The following NHSL1 variants were observed in gnomAD, a reference collection of about 807,000 sequenced individuals.
The protein encoded by NHSL1 is NHS-like protein 1.
Under a neutral mutation model 95.0 loss-of-function variants are expected in NHSL1, and 48 were observed. That is an observed-to-expected ratio of 0.51 (90% CI 0.40 to 0.64). NHSL1 has a LOEUF of 0.64. Ranked by LOEUF, NHSL1 falls within the 30% of genes least tolerant of loss-of-function variation. The pLI, the probability that NHSL1 is intolerant of heterozygous loss-of-function variation, is 0.00. For missense variants in NHSL1, 1,971 were observed against 2,077.7 expected, an observed-to-expected ratio of 0.95 and a Z score of 1.00; for synonymous variants, 783 against 833.9, an observed-to-expected ratio of 0.94 and a Z score of 1.05.
intron 1 of NHSL1, among the ~76,000 whole-genome samples, chr6:138,523,466 C>G (rs1222842663): frequency 6.6e-6 from 1 of 151,740 alleles, no homozygotes; most frequent in Non-Finnish European, 1.5e-5. Flanking sequence ...CGAGCCACCA[C>G]CCAGCTAACT....
chr6:138,685,311 G>A (rs1785571925), intron 1 of NHSL1, among the ~76,000 whole-genome samples: 1 of 152,080 alleles, frequency 6.6e-6, no homozygotes, highest in Non-Finnish European at 1.5e-5. Flanking sequence ...TTGATTTAAA[G>A]GATATACTCT....
At chr6:138,578,141 A>G (rs1783998907) in intron 1 of NHSL1, among the ~76,000 whole-genome samples, 1 of 152,250 alleles carries the variant, frequency 6.6e-6, no homozygotes. Context: ...CAACGGAATT[A>G]ATAGTGTTGT....
chr6:138,553,608 G>A (rs1365024142), intron 1 of NHSL1, among the ~76,000 whole-genome samples: 1 of 152,124 alleles, frequency 6.6e-6, no homozygotes, highest in Non-Finnish European at 1.5e-5. Flanking sequence ...ATCATTAGTG[G>A]AAAGTATATA....
At position 138,432,610 on chromosome 6, in the gene NHSL1, T is replaced by C; in HGVS notation, c.1735A>G (p.Thr579Ala). 6.4e-7 allele frequency: 1 copy of C among 1,551,716 alleles called. No individual in the cohort carries two copies. Among genetic ancestry groups the C allele is most frequent in the Non-Finnish European group, 8.7e-7 (1 of 1,146,926 alleles). Residue 579 changes from threonine to alanine, a missense_variant, in exon 6 of 8, where the codon ACA (threonine) becomes GCA (alanine). Transcript: ENST00000343505. The surrounding 1 kb of genome is among the most constrained non-coding windows in gnomAD (Gnocchi z 4.4). The part of the protein sequence containing the change: ...HLATPGYSTP[T>A]SNMSSCSLDQ... ...AAACTGCAGCTGCTCATGTTACTTG[T>C]GGGAGTGGAATAGCCAGGAGTTGCT... is the stretch of plus-strand genomic sequence containing the variant.
chr6:138,471,515 T>C (rs998492390), intron 3 of NHSL1, among the ~76,000 whole-genome samples: 1 of 152,236 alleles, frequency 6.6e-6, no homozygotes, highest in African/African-American at 2.4e-5. Flanking sequence ...ACCGTCTTTG[T>C]ATATTTTAAA....
At chr6:138,505,397 T>C (rs1407012409) in intron 1 of NHSL1, among the ~76,000 whole-genome samples, 2 of 152,192 alleles carry the variant, frequency 1.3e-5, no homozygotes, top group African/African-American at 4.8e-5. Context: ...GACTCATGCC[T>C]GTAATCCCAG....
upstream of NHSL1, among the ~76,000 whole-genome samples, chr6:138,548,219 C>T (rs564214245): frequency 1.3e-5 from 2 of 151,894 alleles, no homozygotes; most frequent in African/African-American, 4.8e-5. Flanking sequence ...CTCCTGACCT[C>T]GTGATCCACC....
intron 1 of NHSL1, among the ~76,000 whole-genome samples, chr6:138,624,789 G>A (rs1366458736): frequency 2.0e-5 from 3 of 152,176 alleles, no homozygotes; most frequent in Non-Finnish European, 4.4e-5. Flanking sequence ...CTAAACTGCA[G>A]CAGAGGAGGT....
At chr6:138,633,982 T>C (rs1784855984) in intron 1 of NHSL1, among the ~76,000 whole-genome samples, 2 of 152,342 alleles carry the variant, frequency 1.3e-5, no homozygotes, top group South Asian at 2.1e-4. Flanking sequence ...TGCTTGTTTA[T>C]GCAAAGTGTT....
chr6:138,523,607 C>T (rs1463780687), intron 1 of NHSL1, among the ~76,000 whole-genome samples: 1 of 131,608 alleles, frequency 7.6e-6, no homozygotes, highest in Non-Finnish European at 1.6e-5. Context: ...CCACACCCAG[C>T]CTAGAGATGT....
intron 2 of NHSL1, among the ~76,000 whole-genome samples, chr6:138,478,012 CTTTTTTTTTTTTTTT>C (rs71009589): frequency 1.0e-4 from 3 of 30,016 alleles, no homozygotes; most frequent in Admixed American, 5.6e-4. Context: ...ATTTATGTCA[CTTTTTTTTTTTTTTT>C]TTTTTTTTTT....
At chr6:138,681,977 G>A (rs1177601226) in intron 1 of NHSL1, among the ~76,000 whole-genome samples, 5 of 115,202 alleles carry the variant, frequency 4.3e-5, no homozygotes, top group East Asian at 7.7e-4. Context: ...GTAAGATACC[G>A]CTTTTCTTTT....
chr6:138,473,333 T>C lies in NHSL1; in HGVS notation c.312A>G (p.Gln104=). 2 of 1,547,008 alleles carry C rather than the reference T, an allele frequency of 1.3e-6. No homozygotes were observed. Among genetic ancestry groups the C allele is most frequent in the Non-Finnish European group, 1.7e-6 (2 of 1,145,284 alleles). ...TTTGATCTGTTTCTTCATCTTCATC[T>C]TGGTAATCATCACAGAATGGGCTGG... ...ANASPFCDDY[Q]DEDEETDQKC... Residue 104 remains glutamine (Q), a synonymous_variant, in exon 3 of 8, where the codon CAA becomes CAG. Coordinates refer to ENST00000343505, the MANE Select transcript of NHSL1 (RefSeq NM_001144060.2).
At chr6:138,512,339 T>C in intron 1 of NHSL1, 1 of 455,354 alleles carries the variant, frequency 2.2e-6, no homozygotes, top group Non-Finnish European at 4.4e-6. Context: ...ATTACATTCA[T>C]TATCAAAATA....
chr6:138,525,297 G>A (rs1346576548), intron 1 of NHSL1, among the ~76,000 whole-genome samples: 6 of 151,982 alleles, frequency 3.9e-5, no homozygotes, highest in Admixed American at 3.3e-4. Flanking sequence ...AAGCCAAAGT[G>A]TACACACTTC....
intron 2 of NHSL1, among the ~76,000 whole-genome samples, chr6:138,478,040 T>C (rs1330108053): frequency 7.0e-6 from 1 of 142,078 alleles, no homozygotes; most frequent in Non-Finnish European, 1.5e-5. Context: ...TTTTTTTTTT[T>C]TGAGACTGAG....
At chr6:138,569,285 GAA>G (rs1783735853) in intron 1 of NHSL1, among the ~76,000 whole-genome samples, 3 of 151,922 alleles carry the variant, frequency 2.0e-5, no homozygotes, top group South Asian at 4.2e-4. Flanking sequence ...GAGAGAGAGA[GAA>G]AGAGAGCGAG....
upstream of NHSL1, among the ~76,000 whole-genome samples, chr6:138,546,883 C>G (rs1782820382): frequency 1.3e-5 from 2 of 152,214 alleles, no homozygotes; most frequent in South Asian, 4.1e-4. Flanking sequence ...AATCTTATGA[C>G]AGACCTGATG....
chr6:138,538,090 T>C (rs1440417256), intron 1 of NHSL1, among the ~76,000 whole-genome samples: 1 of 152,194 alleles, frequency 6.6e-6, no homozygotes, highest in African/African-American at 2.4e-5. Flanking sequence ...CTTTGACATA[T>C]AAATTAGCCA....
Sources: allele counts gnomAD v4.1 joint callset (sites outside exome capture counted in the v4.1 genomes callset), GRCh38; gene constraint gnomAD v4.1.1; non-coding constraint Gnocchi (gnomAD v3.1); transcripts MANE v1.5; gene names NCBI Gene and HGNC (gene_info 2026-07-23, HGNC 2026-07-21).